The following AKR1C2 variants were observed in gnomAD, a reference collection of about 807,000 sequenced individuals.
AKR1C2 encodes aldo-keto reductase family 1 member C2.
AKR1C2 carries 27 observed loss-of-function variants against 39.8 expected under a neutral mutation model. The ratio of observed to expected loss-of-function variants is 0.68; its 90% CI spans 0.50 to 0.93. AKR1C2 has a LOEUF of 0.93. AKR1C2 is among the 40% of genes least tolerant of loss of function. The pLI, the probability that AKR1C2 is intolerant of heterozygous loss-of-function variation, is 0.00. For synonymous variants in AKR1C2, 114 were observed against 137.9 expected (o/e 0.83, Z 1.22); for missense variants, 263 against 365.1 (o/e 0.72, Z 2.28).
chr10:4,998,663 T>G lies in AKR1C2; in HGVS notation c.532A>C (p.Asn178His), dbSNP rs782258324. The G allele has an allele frequency of 7.4e-6, 12 of 1,614,158 alleles. No homozygotes were observed. In the East Asian group the frequency reaches 2.2e-4, roughly 30 times the overall value. ...FNHRLLEMIL[N>H]KPGLKYKPVC... is the part of the protein sequence containing the mutation. ...GGCTTGTACTTGAGCCCTGGCTTGT[T>G]GAGGATCATCTCCAGCAGCCTGTGG... The change falls in exon 5 of 9, where the codon AAC (asparagine) becomes CAC (histidine). Residue 178 changes from asparagine to histidine, a missense_variant. Transcript: ENST00000380753.
upstream of AKR1C2, chr10:5,006,150 A>C (rs1272950388): frequency 6.6e-6 from 1 of 152,236 alleles, no homozygotes. Flanking sequence ...GGATTCCCAG[A>C]AGGGGAAGTG....
Position 4,998,086 on chromosome 10 carries a change from T to C in AKR1C2, c.570+539A>G, listed in dbSNP as rs546152876. Among the ~76,000 whole-genome samples, 17 of 152,346 alleles carry C rather than the reference T, an allele frequency of 1.1e-4. No individual in the cohort carries two copies. The East Asian group carries it at 3.1e-3, about 28-fold the overall frequency. ...AACAGGTCATTTTCTCTTTCTACCA[T>C]GGATGACCTTCACTGTCTGCAGATA... On this transcript the variant is annotated intron_variant, in intron 5 of 8. Coordinates refer to ENST00000380753, the MANE Select transcript of AKR1C2 (RefSeq NM_001393392.1).
chr10:5,000,723 T>C (rs1837241224), intron 2 of AKR1C2, 57 bp from the exon 3 acceptor site: 2 of 1,509,410 alleles, frequency 1.3e-6, no homozygotes, highest in African/African-American at 1.4e-5. Flanking sequence ...GTTTTACTAG[T>C]TTGCTCCACC....
chr10:4,990,906 G>C (rs369466034), intron 8 of AKR1C2, among the ~76,000 whole-genome samples: 2 of 151,094 alleles, frequency 1.3e-5, no homozygotes, highest in East Asian at 1.9e-4. Context: ...CTGCTAAGTG[G>C]ATAAAATACT....
In AKR1C2 at chr10:4,988,147, T is replaced by A. The variant is rs1836722789; in HGVS notation, c.*1849A>T. Reference sequence around the variant, plus strand: ...AAAAGAGTTACACGTGCTATAGAGATTTGAAATATGAAAGTCTGCTTAAGC... The same window carrying A: ...AAAAGAGTTACACGTGCTATAGAGAATTGAAATATGAAAGTCTGCTTAAGC... On this transcript the variant is annotated 3_prime_UTR_variant, in exon 9 of 9. Coordinates refer to ENST00000380753, the MANE Select transcript of AKR1C2 (RefSeq NM_001393392.1). 1 of 152,140 alleles carries A rather than the reference T, an allele frequency of 6.6e-6. No homozygotes were observed. The highest frequency in any genetic ancestry group is 1.5e-5 in the Non-Finnish European group (1 of 68,028). The allele number at this position is 152,140 out of a possible 1,614,324, so 9.4% of individuals were successfully genotyped here. A position where few individuals can be genotyped will look rare whatever the true frequency, so the allele number is the denominator to read the frequency against.
In AKR1C2 at chr10:5,000,606, T is replaced by G; in HGVS notation, c.313A>C (p.Asn105His). 2.5e-6 allele frequency: 4 copies of G among 1,614,020 alleles called. No individual in the cohort carries two copies. Among genetic ancestry groups the G allele is most frequent in the Non-Finnish European group, 3.4e-6 (4 of 1,179,930 alleles). Residue 105 changes from asparagine to histidine, a missense_variant, in exon 3 of 9, where the codon AAT becomes CAT. This residue lies in a region of AKR1C2 where 247 missense variants were observed against 267.9 expected (regional missense o/e 0.92). Transcript: ENST00000380753. The part of the protein sequence containing the change: ...VRPALERSLK[N>H]LQLDYVDLYL... ...AGGTCAACATAGTCCAATTGAAGAT[T>G]TTTCAGTGACCTTTCCAAGGCTGGT... is the stretch of plus-strand genomic sequence containing the variant.
intron 1 of AKR1C2, among the ~76,000 whole-genome samples, chr10:5,017,642 T>C (rs1837669735): frequency 1.3e-5 from 2 of 152,172 alleles, no homozygotes. Context: ...CTCCTTCATC[T>C]TTCCATCTTC....
rs782707948 is a variant in AKR1C2 at position 4,989,962 on chromosome 10, G to A, written c.*34C>T. The A allele has an allele frequency of 1.5e-5, 23 of 1,560,080 alleles. No individual in the cohort carries two copies. Among genetic ancestry groups the A allele is most frequent in the Non-Finnish European group, 1.9e-5 (21 of 1,133,744 alleles). ...CTCTGTGTCACCATCCACACGCAGG[G>A]CCTTCTGGCAGACCTCATGCAATGC... On this transcript the variant is annotated 3_prime_UTR_variant, in exon 9 of 9. Coordinates refer to ENST00000380753, the MANE Select transcript of AKR1C2 (RefSeq NM_001393392.1).
intron 5 of AKR1C2, among the ~76,000 whole-genome samples, chr10:4,997,082 A>ATT (rs1269472688): frequency 1.2e-4 from 19 of 152,308 alleles, no homozygotes; most frequent in African/African-American, 4.6e-4. Context: ...AGCTTAACCA[A>ATT]GTTTTTAAAA....
At chr10:4,992,638 G>A (rs1466958423) in intron 7 of AKR1C2, among the ~76,000 whole-genome samples, 1 of 147,400 alleles carries the variant, frequency 6.8e-6, no homozygotes, top group Non-Finnish European at 1.5e-5. Context: ...AAAATGAAAA[G>A]TTATCAAAAA....
chr10:5,000,420 T>C, intron 3 of AKR1C2, 130 bp downstream of exon 3: 1 of 1,582,410 alleles, frequency 6.3e-7, no homozygotes, highest in Non-Finnish European at 8.6e-7. Context: ...TTAGGAGTTA[T>C]GTTTAGGGCT....
rs1554771762 is a variant in AKR1C2 at position 4,988,779 on chromosome 10, A to C, written c.*1217T>G. The C allele has an allele frequency of 1.3e-5, 2 of 150,922 alleles. No individual in the cohort carries two copies. The highest frequency in any genetic ancestry group is 3.0e-5 in the Non-Finnish European group (2 of 67,630). 9.3% of individuals were successfully genotyped at this position (150,922 alleles called of 1,614,324 possible). A position where few individuals can be genotyped will look rare whatever the true frequency, so the allele number is the denominator to read the frequency against. ...GATCATTAAGACATGAGATTATCCC[A>C]AGTTTTCAAAAGTGTTTTCTAAAAC... On this transcript the variant is annotated 3_prime_UTR_variant, in exon 9 of 9. Coordinates refer to ENST00000380753, the MANE Select transcript of AKR1C2 (RefSeq NM_001393392.1).
chr10:5,001,634 G>A lies in AKR1C2; in HGVS notation c.132C>T (p.Ala44=), dbSNP rs3207903. ...ALEAVKLAIE[A]GFHHIDSAHV... Reference sequence around the variant, plus strand: ...GTGCAGAATCAATATGGTGGAACCCGGCTTCTATTGCCAATTTGACGGCCT... The same window carrying A: ...GTGCAGAATCAATATGGTGGAACCCAGCTTCTATTGCCAATTTGACGGCCT... Residue 44 remains alanine, a synonymous_variant, in exon 2 of 9, where the codon GCC becomes GCT. Coordinates refer to ENST00000380753, the MANE Select transcript of AKR1C2 (RefSeq NM_001393392.1). The A allele has an allele frequency of 7.3e-5, 118 of 1,613,738 alleles. No individual in the cohort carries two copies. The highest frequency in any genetic ancestry group is 8.6e-5 in the Non-Finnish European group (102 of 1,179,832).
chr10:5,005,552 G>A (rs1554774320), upstream of AKR1C2, among the ~76,000 whole-genome samples: 1 of 151,838 alleles, frequency 6.6e-6, no homozygotes, highest in East Asian at 1.9e-4. Context: ...ACGTGGTGGT[G>A]AGCACCTGTA....
intron 1 of AKR1C2, among the ~76,000 whole-genome samples, chr10:5,011,052 A>G (rs1383488229): frequency 6.6e-6 from 1 of 151,930 alleles, no homozygotes; most frequent in Non-Finnish European, 1.5e-5. Context: ...AAAAAAAAAA[A>G]ATCAACAGAG....
chr10:5,017,909 G>A (rs1837674664), exon 1 of AKR1C2: 2 of 152,620 alleles, frequency 1.3e-5, no homozygotes, highest in South Asian at 4.1e-4. Context: ...CCATCATGAA[G>A]GAAGGTGAAG....
chr10:4,997,907 G>T (rs1837115582), intron 5 of AKR1C2, among the ~76,000 whole-genome samples: 2 of 152,178 alleles, frequency 1.3e-5, no homozygotes, highest in South Asian at 4.1e-4. Context: ...GGCTATGAAA[G>T]AACCATGCAT....
chr10:5,015,772 A>T (rs1356084962), intron 1 of AKR1C2: 1 of 152,296 alleles, frequency 6.6e-6, no homozygotes, highest in African/African-American at 2.4e-5. Context: ...TCACACTGCT[A>T]TAAAGAACTA....
chr10:5,002,609 T>A (rs184261526), intron 1 of AKR1C2, among the ~76,000 whole-genome samples: 31 of 152,314 alleles, frequency 2.0e-4, no homozygotes, highest in African/African-American at 7.5e-4. Flanking sequence ...GCAGTAAAAT[T>A]TACAATTATT....
Sources: gnomAD v4.1 joint callset for allele counts (sites outside exome capture counted in the v4.1 genomes callset) on GRCh38, gnomAD v4.1.1 for gene constraint, gnomAD v4.1.1 regional missense constraint, MANE v1.5 for transcripts, NCBI Gene and HGNC (gene_info 2026-07-23, HGNC 2026-07-21) for gene names.